SYNPR: variants seen among roughly 807,000 people sequenced by gnomAD.
SYNPR encodes the protein synaptoporin.
A neutral mutation model predicts 32.9 loss-of-function variants in SYNPR; 23 were observed. The ratio of observed to expected loss-of-function variants is 0.70; its 90% CI spans 0.50 to 0.99. SYNPR has a LOEUF of 0.99. Ranked by LOEUF, SYNPR falls within the 50% of genes least tolerant of loss-of-function variation. SYNPR has a pLI of 0.00. For missense variants in SYNPR, 318 were observed against 349.3 expected, an observed-to-expected ratio of 0.91 and a Z score of 0.71; for synonymous variants, 146 against 135.9, an observed-to-expected ratio of 1.07 and a Z score of -0.52.
chr3:63,507,595 A>G (rs1171522063), intron 3 of SYNPR, among the ~76,000 whole-genome samples: 1 of 152,186 alleles, frequency 6.6e-6, no homozygotes, highest in African/African-American at 2.4e-5. Flanking sequence ...ATTATTTTAT[A>G]AAAGCGGTGT....
chr3:63,286,631 A>C (rs1040077132), intron 2 of SYNPR, among the ~76,000 whole-genome samples: 13 of 152,322 alleles, frequency 8.5e-5, no homozygotes, highest in African/African-American at 3.1e-4. Context: ...AAAAGTAGAA[A>C]ATCTCTAAGG....
At chr3:63,231,652 C>T (rs17067908) in intron 1 of SYNPR, among the ~76,000 whole-genome samples, 1 of 152,140 alleles carries the variant, frequency 6.6e-6, no homozygotes, top group Non-Finnish European at 1.5e-5. Flanking sequence ...ACTTCTAGGC[C>T]CCAGGTCAAA....
chr3:63,606,166 C>A (rs895780522), intron 4 of SYNPR, among the ~76,000 whole-genome samples: 1 of 152,060 alleles, frequency 6.6e-6, no homozygotes, highest in Non-Finnish European at 1.5e-5. Flanking sequence ...TAGTAAGTGT[C>A]AAAGTAAGGA....
In SYNPR at chr3:63,544,741, T is replaced by C. The variant is rs74775215; in HGVS notation, c.210-11802T>C. Among the ~76,000 whole-genome samples the C allele has an allele frequency of 7.5e-3, 1,144 of 152,222 alleles. 12 individuals carry two copies. The highest frequency in any genetic ancestry group is 0.026 in the African/African-American group (1,094 of 41,556). On this transcript the variant is annotated intron_variant, in intron 3 of 5. Transcript: ENST00000478300. ...GAGTTTGGATTTTTAAAATCAACTTTAGTAATCAGACTTACACCTTTAATT... is the reference window on the plus strand; with the variant it reads ...GAGTTTGGATTTTTAAAATCAACTTCAGTAATCAGACTTACACCTTTAATT...
chr3:63,228,469 T>C (rs1431831212), intron 1 of SYNPR: 2 of 152,204 alleles, frequency 1.3e-5, no homozygotes, highest in African/African-American at 2.4e-5. Context: ...AGACAATTAA[T>C]TGAGTTTGCT....
chr3:63,262,996 A>G (rs1325385198), intron 2 of SYNPR, among the ~76,000 whole-genome samples: 2 of 152,334 alleles, frequency 1.3e-5, no homozygotes, highest in Admixed American at 1.3e-4. Flanking sequence ...CAGTGGCCAG[A>G]CAATAAATAC....
intron 2 of SYNPR, among the ~76,000 whole-genome samples, chr3:63,353,862 CTTGT>C (rs1018539907): frequency 4.6e-5 from 7 of 152,132 alleles, no homozygotes; most frequent in African/African-American, 7.2e-5. Flanking sequence ...CTGTCAGATA[CTTGT>C]TTTTCATTTA....
At chr3:63,406,451 G>C (rs1234384778) in intron 2 of SYNPR, among the ~76,000 whole-genome samples, 3 of 151,902 alleles carry the variant, frequency 2.0e-5, no homozygotes, top group Non-Finnish European at 2.9e-5. Flanking sequence ...AAGGACTCTA[G>C]GAAGTAGGTG....
At chr3:63,328,484 G>T (rs571891881) in intron 2 of SYNPR, among the ~76,000 whole-genome samples, 12 of 152,294 alleles carry the variant, frequency 7.9e-5, no homozygotes, top group African/African-American at 2.6e-4. Flanking sequence ...CCAGGCCCCA[G>T]TTCCCCTAAC....
chr3:63,292,605 G>T (rs1048144053), intron 2 of SYNPR, among the ~76,000 whole-genome samples: 2 of 152,166 alleles, frequency 1.3e-5, no homozygotes, highest in Non-Finnish European at 2.9e-5. Context: ...TAACTAGCAG[G>T]CATAATTATT....
chr3:63,498,975 T>TAA (rs1365735025), intron 3 of SYNPR, among the ~76,000 whole-genome samples: 3 of 141,026 alleles, frequency 2.1e-5, no homozygotes, highest in African/African-American at 7.8e-5. Flanking sequence ...AATAAAAAAT[T>TAA]AAAAAAAAAA....
rs537731122 is a variant in SYNPR, at chr3:63,498,187, T to C, written c.209+17231T>C. 1.5e-4 allele frequency among the ~76,000 whole-genome samples: 23 copies of C among 152,296 alleles called. No individual in the cohort carries two copies. In the South Asian group the frequency reaches 2.5e-3, roughly 16 times the overall value. On this transcript the variant is annotated intron_variant, in intron 3 of 5. Transcript: ENST00000478300. ...AGTCCATCTTTAGCTATGTTTGCGATCTAAGGGCACCACCATCTTAGCTAA... is the reference window on the plus strand; with the variant it reads ...AGTCCATCTTTAGCTATGTTTGCGACCTAAGGGCACCACCATCTTAGCTAA...
upstream of SYNPR, among the ~76,000 whole-genome samples, chr3:63,277,908 G>T (rs2086591817): frequency 6.6e-6 from 1 of 152,020 alleles, no homozygotes; most frequent in South Asian, 2.1e-4. Flanking sequence ...CTCCATAAAG[G>T]CTTGAAGGAA....
upstream of SYNPR, among the ~76,000 whole-genome samples, chr3:63,223,643 T>C (rs991901311): frequency 6.6e-6 from 1 of 152,192 alleles, no homozygotes; most frequent in Non-Finnish European, 1.5e-5. Context: ...CATTTAGAGC[T>C]GGTTTCTGTT....
intron 2 of SYNPR, among the ~76,000 whole-genome samples, chr3:63,479,928 A>C (rs943888319): frequency 2.0e-5 from 3 of 152,234 alleles, no homozygotes; most frequent in African/African-American, 7.2e-5. Context: ...AAGAAGCTGA[A>C]TTCCAAAGTT....
chr3:63,429,484 T>C (rs1348044809), intron 2 of SYNPR, among the ~76,000 whole-genome samples: 1 of 152,228 alleles, frequency 6.6e-6, no homozygotes, highest in Non-Finnish European at 1.5e-5. Context: ...TAGCCATCTT[T>C]GGAATCCCTA....
the SYNPR span, among the ~76,000 whole-genome samples, chr3:63,209,693 T>C: frequency 1.3e-5 from 2 of 152,226 alleles, no homozygotes; most frequent in African/African-American, 4.8e-5. Flanking sequence ...AATTTTTCCT[T>C]AACCCTCACA....
At chr3:63,475,758 C>T (rs750402051) in intron 2 of SYNPR, among the ~76,000 whole-genome samples, 1 of 152,102 alleles carries the variant, frequency 6.6e-6, no homozygotes, top group Admixed American at 6.5e-5. Flanking sequence ...ACTCCTTAGC[C>T]TTCCAGGTCT....
intron 2 of SYNPR, among the ~76,000 whole-genome samples, chr3:63,335,170 C>T (rs577088854): frequency 1.6e-4 from 24 of 152,116 alleles, no homozygotes; most frequent in African/African-American, 3.1e-4. Context: ...CTGGCTAACA[C>T]GGTGAAACCT....
Sources: allele counts gnomAD v4.1 joint callset (sites outside exome capture counted in the v4.1 genomes callset), GRCh38; gene constraint gnomAD v4.1.1; transcripts MANE v1.5; gene names NCBI Gene and HGNC (gene_info 2026-07-23, HGNC 2026-07-21).